Variants in FCGR2A observed in about 807,000 individuals in gnomAD.
The protein encoded by FCGR2A is Fc gamma receptor IIa.
In FCGR2A, 18 loss-of-function variants were observed where a neutral mutation model predicts 29.3. That is an observed-to-expected ratio of 0.62 (90% CI 0.43 to 0.91). The LOEUF (loss-of-function observed/expected upper bound fraction) is 0.91. Ranked by LOEUF, FCGR2A falls within the 40% of genes least tolerant of loss-of-function variation. The pLI is 0.00. For missense variants in FCGR2A, 287 were observed against 393.0 expected (o/e 0.73, Z 2.28); for synonymous variants, 126 against 144.8 (o/e 0.87, Z 0.93).
At chr1:161,516,954 CAG>C (rs55892235) in intron 6 of FCGR2A, among the ~76,000 whole-genome samples, 29 of 133,408 alleles carry the variant, frequency 2.2e-4, no homozygotes, top group Admixed American at 2.1e-3. Flanking sequence ...CTGGGTCACT[CAG>C]AGAGTTTACC....
chr1:161,515,286 C>T (rs1676078358), intron 6 of FCGR2A, among the ~76,000 whole-genome samples: 1 of 152,218 alleles, frequency 6.6e-6, no homozygotes, highest in African/African-American at 2.4e-5. Flanking sequence ...TTGCTTTTTC[C>T]ATCTGAACCT....
At chr1:161,514,818 C>T (rs934369477) in intron 6 of FCGR2A, 4 of 151,274 alleles carry the variant, frequency 2.6e-5, no homozygotes, top group Admixed American at 6.6e-5. Flanking sequence ...GGGTACTTGA[C>T]AGATTGAACT....
intron 5 of FCGR2A, 147 bp downstream of exon 5, chr1:161,511,103 A>G (rs1645484421): frequency 7.6e-7 from 1 of 1,309,562 alleles, no homozygotes; most frequent in African/African-American, 1.5e-5. Context: ...TTATTAGTTC[A>G]TCCTCAACAA....
At chr1:161,523,094 A>G (rs1676517076), downstream of FCGR2A, 1 of 152,154 alleles carries the variant, frequency 6.6e-6, no homozygotes, top group African/African-American at 2.4e-5. Flanking sequence ...GCTAAATTGT[A>G]ACACCAGACT....
At position 161,510,059 on chromosome 1, in the gene FCGR2A, A is replaced by G. The variant is rs1244086664; in HGVS notation, c.604A>G (p.Thr202Ala). ...CACGCTGTTCTCATCCAAGCCTGTG[A>G]CCATCACTGTCCAAGGTATGGGGAG... is the stretch of plus-strand genomic sequence containing the variant. ...GYTLFSSKPV[T>A]ITVQVPSMGS... is the part of the protein sequence containing the mutation. Residue 202 changes from threonine (T) to alanine (A), a missense_variant, in exon 4 of 7, where the codon ACC becomes GCC. Coordinates refer to ENST00000271450, the MANE Select transcript of FCGR2A (RefSeq NM_001136219.3). 6.2e-7 allele frequency: 1 copy of G among 1,613,828 alleles called. No individual in the cohort carries two copies. Among genetic ancestry groups the G allele is most frequent in the Non-Finnish European group, 8.5e-7 (1 of 1,179,868 alleles).
At chr1:161,522,082 T>C (rs1178402158), downstream of FCGR2A, among the ~76,000 whole-genome samples, 1 of 152,100 alleles carries the variant, frequency 6.6e-6, no homozygotes, top group Non-Finnish European at 1.5e-5. Context: ...CTCATGCCTG[T>C]AATCCCAAAG....
At chr1:161,516,598 A>C (rs1676161563) in intron 6 of FCGR2A, among the ~76,000 whole-genome samples, 1 of 152,110 alleles carries the variant, frequency 6.6e-6, no homozygotes. Flanking sequence ...ATAAATAATC[A>C]GGTCAAATTT....
chr1:161,518,015 T>G lies in FCGR2A; in HGVS notation c.821T>G (p.Leu274Arg), dbSNP rs382627. 3.4e-6 allele frequency: 5 copies of G among 1,464,514 alleles called. No homozygotes were observed. The highest frequency in any genetic ancestry group is 1.2e-5 in the South Asian group (1 of 80,666). 90.7% of individuals were successfully genotyped at this position (1,464,514 alleles called of 1,614,324 possible). The change falls in exon 7 of 7, where the codon CTT becomes CGT. Residue 274 changes from leucine to arginine, a missense_variant. This residue lies in a region of FCGR2A where 34 missense variants were observed against 73.5 expected (regional missense o/e 0.46). Coordinates refer to ENST00000271450, the MANE Select transcript of FCGR2A (RefSeq NM_001136219.3). Reference sequence around the variant, plus strand: ...ATGATTGCCATCAGAAAGAGACAACTTGAAGAAACCAACAATGACTATGAA... The same window carrying G: ...ATGATTGCCATCAGAAAGAGACAACGTGAAGAAACCAACAATGACTATGAA... The part of the protein sequence containing the change: ...RQMIAIRKRQ[L>R]EETNNDYETA...
At chr1:161,510,404 CG>C (rs1404503687) in intron 4 of FCGR2A, 4 of 545,516 alleles carry the variant, frequency 7.3e-6, no homozygotes, top group East Asian at 3.5e-5. Context: ...AGGTTTGCCT[CG>C]TTTCTTCTCA....
rs1472055448 is a variant in FCGR2A at position 161,518,271 on chromosome 1, G to A, written c.*123G>A. 1 of 1,486,780 alleles carries A rather than the reference G, an allele frequency of 6.7e-7. No individual in the cohort carries two copies. 92.1% of individuals were successfully genotyped at this position (1,486,780 alleles called of 1,614,324 possible). A position where few individuals can be genotyped will look rare whatever the true frequency, so the allele number is the denominator to read the frequency against. ...AATCCTGAGCAAACAAAACCACCTG[G>A]CCCTTAGAAATAGCTTTAACTTTGC... On this transcript the variant is annotated 3_prime_UTR_variant, in exon 7 of 7. Coordinates refer to ENST00000271450, the MANE Select transcript of FCGR2A (RefSeq NM_001136219.3).
chr1:161,507,271 A>G (rs560323808), intron 3 of FCGR2A, among the ~76,000 whole-genome samples: 1 of 152,106 alleles, frequency 6.6e-6, no homozygotes, highest in African/African-American at 2.4e-5. Flanking sequence ...GGCACACACC[A>G]CCATGCCAAG....
intron 3 of FCGR2A, among the ~76,000 whole-genome samples, chr1:161,508,918 G>A (rs6671753): frequency 0.099 from 15,066 of 152,234 alleles, 925 homozygotes; most frequent in Middle Eastern, 0.15. Context: ...TTCAAGTCAT[G>A]CCTTTTTATT....
chr1:161,506,999 G>A (rs1195156359), intron 3 of FCGR2A, among the ~76,000 whole-genome samples: 1 of 152,190 alleles, frequency 6.6e-6, no homozygotes, highest in Non-Finnish European at 1.5e-5. Flanking sequence ...GGTGTGTGGA[G>A]GTGGGAGTGT....
chr1:161,510,055 T>G lies in FCGR2A; in HGVS notation c.600T>G (p.Pro200=). The G allele has an allele frequency of 6.2e-7, 1 of 1,613,936 alleles. No homozygotes were observed. The highest frequency in any genetic ancestry group is 8.5e-7 in the Non-Finnish European group (1 of 1,179,856). The change falls in exon 4 of 7, where the codon CCT becomes CCG. Residue 200 remains proline (P), a synonymous_variant. Transcript: ENST00000271450. ...GCTACACGCTGTTCTCATCCAAGCC[T>G]GTGACCATCACTGTCCAAGGTATGG... The part of the protein sequence containing the change: ...NIGYTLFSSK[P]VTITVQVPSM...
chr1:161,512,083 A>T (rs1317551629), intron 5 of FCGR2A, among the ~76,000 whole-genome samples: 2 of 152,166 alleles, frequency 1.3e-5, no homozygotes, highest in African/African-American at 4.8e-5. Context: ...AGGACCAGGA[A>T]TCTGGTGATA....
chr1:161,508,615 G>A (rs569841383), intron 3 of FCGR2A, among the ~76,000 whole-genome samples: 1 of 150,522 alleles, frequency 6.6e-6, no homozygotes, highest in Non-Finnish European at 1.5e-5. Flanking sequence ...AAAGAAAACT[G>A]TTTTTTTAAA....
intron 6 of FCGR2A, among the ~76,000 whole-genome samples, chr1:161,516,136 A>G (rs1434357553): frequency 2.6e-5 from 4 of 152,096 alleles, no homozygotes; most frequent in Non-Finnish European, 4.4e-5. Context: ...TCAAAAAAAT[A>G]CCTTGAGATG....
intron 3 of FCGR2A, among the ~76,000 whole-genome samples, chr1:161,508,480 A>G (rs1241618867): frequency 3.3e-5 from 5 of 151,212 alleles, no homozygotes; most frequent in African/African-American, 1.2e-4. Flanking sequence ...CCAGCTACTC[A>G]GGAGGCTGAG....
chr1:161,517,336 G>C (rs1407639133), intron 6 of FCGR2A, among the ~76,000 whole-genome samples: 1 of 152,048 alleles, frequency 6.6e-6, no homozygotes, highest in Non-Finnish European at 1.5e-5. Flanking sequence ...GGTGATTCTA[G>C]AACTGGGCAA....
Sources: gnomAD v4.1 joint callset for allele counts (sites outside exome capture counted in the v4.1 genomes callset) on GRCh38, gnomAD v4.1.1 for gene constraint, gnomAD v4.1.1 regional missense constraint, MANE v1.5 for transcripts, NCBI Gene and HGNC (gene_info 2026-07-23, HGNC 2026-07-21) for gene names.